Variants in CLEC16A observed in about 807,000 individuals in gnomAD.
CLEC16A encodes C-type lectin domain containing 16A.
A neutral mutation model predicts 109.5 loss-of-function variants in CLEC16A; 51 were observed. That is an observed-to-expected ratio of 0.47 (90% CI 0.37 to 0.59). The LOEUF (loss-of-function observed/expected upper bound fraction) is 0.59. CLEC16A is among the 20% of genes least tolerant of loss of function. CLEC16A has a pLI of 0.00. For missense variants in CLEC16A, 1,339 were observed against 1,394.0 expected, an observed-to-expected ratio of 0.96 and a Z score of 0.63; for synonymous variants, 673 against 564.2, an observed-to-expected ratio of 1.19 and a Z score of -2.73.
intron 19 of CLEC16A, among the ~76,000 whole-genome samples, chr16:11,080,248 A>G (rs2049626802): frequency 6.6e-6 from 1 of 152,232 alleles, no homozygotes; most frequent in South Asian, 2.1e-4. Context: ...GGCATCTAGC[A>G]CAGTGATGCA....
intron 1 of CLEC16A, among the ~76,000 whole-genome samples, chr16:10,952,091 G>T (rs1363521644): frequency 2.6e-5 from 4 of 152,210 alleles, no homozygotes; most frequent in African/African-American, 9.7e-5. Context: ...GAAATAGATT[G>T]CAACTCCAGC....
At chr16:11,126,383 G>A (rs567476851) in intron 22 of CLEC16A, 1 of 1,439,550 alleles carries the variant, frequency 6.9e-7, no homozygotes, top group African/African-American at 1.4e-5. Context: ...TTGGGTATGT[G>A]GAAGAACTTC....
intron 12 of CLEC16A, among the ~76,000 whole-genome samples, chr16:11,021,437 A>T (rs2046090884): frequency 6.6e-6 from 1 of 152,238 alleles, no homozygotes; most frequent in Non-Finnish European, 1.5e-5. Context: ...TAGACTATAA[A>T]TAATTAGAAG....
chr16:11,135,886 TCTCCAGCCTCATC>T (rs560998881), intron 22 of CLEC16A, among the ~76,000 whole-genome samples: 4 of 152,296 alleles, frequency 2.6e-5, no homozygotes, highest in East Asian at 1.9e-4. Context: ...AGGATAGAGC[TCTCCAGCCTCATC>T]CTCCAGCCTC....
chr16:10,954,254 C>G lies in CLEC16A; in HGVS notation c.81-3528C>G, dbSNP rs199548739. ...CGCCAAACCTCACTTGCTGTCTTGT[C>G]CTGTGCAGTGGCAACAGTGTGCACA... On this transcript the variant is annotated intron_variant, in intron 1 of 23. Coordinates refer to ENST00000409790, the MANE Select transcript of CLEC16A (RefSeq NM_015226.3). The surrounding 1 kb of genome is among the most constrained non-coding windows in gnomAD (Gnocchi z 4.2). Among the ~76,000 whole-genome samples the G allele has an allele frequency of 2.6e-5, 4 of 152,196 alleles. No individual in the cohort carries two copies. Among genetic ancestry groups the G allele is most frequent in the African/African-American group, 4.8e-5 (2 of 41,442 alleles).
chr16:11,102,162 C>T (rs2050957752), intron 19 of CLEC16A, among the ~76,000 whole-genome samples: 1 of 152,056 alleles, frequency 6.6e-6, no homozygotes, highest in African/African-American at 2.4e-5. Flanking sequence ...TTGAGATTCT[C>T]CATTTTTACC....
At chr16:11,080,414 G>A (rs1333130979) in intron 19 of CLEC16A, among the ~76,000 whole-genome samples, 1 of 152,252 alleles carries the variant, frequency 6.6e-6, no homozygotes, top group Non-Finnish European at 1.5e-5. Flanking sequence ...GAGCCAGTGT[G>A]AAGCAGCAGA....
rs1485560122 is a variant in CLEC16A, at chr16:11,179,045, C to T, written c.*355C>T. Reference sequence around the variant, plus strand: ...GTCATATGGCTCCTCTGTCACCAGCCCCAGTGTGCACAGAAGAATTGGACC... The same window carrying T: ...GTCATATGGCTCCTCTGTCACCAGCTCCAGTGTGCACAGAAGAATTGGACC... On this transcript the variant is annotated 3_prime_UTR_variant, in exon 24 of 24. Transcript: ENST00000409790. The T allele has an allele frequency of 4.0e-6, 1 of 252,142 alleles. No individual in the cohort carries two copies. Among genetic ancestry groups the T allele is most frequent in the Non-Finnish European group, 7.5e-6 (1 of 133,176 alleles). The allele number at this position is 252,142 out of a possible 1,614,324, so 15.6% of individuals were successfully genotyped here.
intron 22 of CLEC16A, among the ~76,000 whole-genome samples, chr16:11,166,076 C>A (rs1233296725): frequency 6.6e-6 from 1 of 152,228 alleles, no homozygotes; most frequent in African/African-American, 2.4e-5. Flanking sequence ...GGCTGCACGT[C>A]CCTCTTCAAG....
chr16:10,978,219 G>A (rs769350156), intron 8 of CLEC16A, among the ~76,000 whole-genome samples: 2 of 152,300 alleles, frequency 1.3e-5, no homozygotes, highest in South Asian at 2.1e-4. Context: ...CCAGGAATCT[G>A]CATGTCTCAC....
At chr16:11,097,610 A>G (rs2050680166) in intron 19 of CLEC16A, among the ~76,000 whole-genome samples, 1 of 152,242 alleles carries the variant, frequency 6.6e-6, no homozygotes, top group Non-Finnish European at 1.5e-5. Context: ...TGAGCAATCC[A>G]TCAGTCCTGG....
chr16:10,982,812 C>A (rs906292442), intron 9 of CLEC16A, 66 bp from the exon 10 acceptor site: 3 of 927,204 alleles, frequency 3.2e-6, no homozygotes, highest in African/African-American at 1.6e-5. Context: ...GCTTCTGATC[C>A]AGGAAGCAAG....
intron 22 of CLEC16A, among the ~76,000 whole-genome samples, chr16:11,165,837 G>C (rs1402368077): frequency 6.6e-6 from 1 of 152,162 alleles, no homozygotes; most frequent in Non-Finnish European, 1.5e-5. Context: ...CTCTTTGCCA[G>C]GGCTTTCGTT....
At chr16:10,989,757 C>G (rs921027153) in intron 10 of CLEC16A, among the ~76,000 whole-genome samples, 2 of 152,176 alleles carry the variant, frequency 1.3e-5, no homozygotes, top group Admixed American at 1.3e-4. Context: ...GGATACTCCC[C>G]CAGGATATGG....
intron 22 of CLEC16A, among the ~76,000 whole-genome samples, chr16:11,156,880 T>C (rs1199285714): frequency 1.3e-5 from 2 of 151,450 alleles, no homozygotes; most frequent in Non-Finnish European, 2.9e-5. Context: ...TCATGTAAGA[T>C]GCACGCATTC....
Position 11,152,310 on chromosome 16 carries a change from A to T in CLEC16A, c.2642-14078A>T, listed in dbSNP as rs556093789. ...CAGCTCATGCTGCTAGCACACCCAC[A>T]AGATCTTCCCTCTGCAGGCGGGCGG... On this transcript the variant is annotated intron_variant, in intron 22 of 23. Coordinates refer to ENST00000409790, the MANE Select transcript of CLEC16A (RefSeq NM_015226.3). 1.2e-4 allele frequency among the ~76,000 whole-genome samples: 18 copies of T among 152,316 alleles called. No individual in the cohort carries two copies. The South Asian group carries it at 3.7e-3, about 32-fold the overall frequency.
At position 11,160,230 on chromosome 16, in the gene CLEC16A, G is replaced by A. The variant is rs559055955; in HGVS notation, c.2642-6158G>A. Among the ~76,000 whole-genome samples, 13 of 152,248 alleles carry A rather than the reference G, an allele frequency of 8.5e-5. No homozygotes were observed. The South Asian group carries it at 1.5e-3, about 17-fold the overall frequency. On this transcript the variant is annotated intron_variant, in intron 22 of 23. Coordinates refer to ENST00000409790, the MANE Select transcript of CLEC16A (RefSeq NM_015226.3). ...AGGCAGGCCACAGAGGTCGGGGGGC[G>A]TCCCTGCTCATTTGGAGATTCAGAA...
chr16:11,107,121 G>T (rs1238581569), intron 19 of CLEC16A, among the ~76,000 whole-genome samples: 1 of 152,228 alleles, frequency 6.6e-6, no homozygotes, highest in Non-Finnish European at 1.5e-5. Context: ...CCAGTGAACA[G>T]CTCAAACCTT....
At chr16:11,042,130 G>A in intron 14 of CLEC16A, 124 bp from the exon 15 acceptor site, 2 of 657,632 alleles carry the variant, frequency 3.0e-6, no homozygotes, top group East Asian at 2.8e-5. Flanking sequence ...CCCACTGGAT[G>A]TTGGGAGCCA....
Sources: gnomAD v4.1 joint callset for allele counts (sites outside exome capture counted in the v4.1 genomes callset) on GRCh38, gnomAD v4.1.1 for gene constraint, Gnocchi (gnomAD v3.1) non-coding constraint, MANE v1.5 for transcripts, NCBI Gene and HGNC (gene_info 2026-07-23, HGNC 2026-07-21) for gene names.